The following FAT4 variants were observed in gnomAD, a reference collection of about 807,000 sequenced individuals.
The protein encoded by FAT4 is FAT atypical cadherin 4.
In FAT4, 84 loss-of-function variants were observed where a neutral mutation model predicts 303.9. That is an observed-to-expected ratio of 0.28 (90% CI 0.23 to 0.33). FAT4 has a LOEUF of 0.33. Among genes scored for constraint, FAT4 ranks in the 10% least tolerant of loss-of-function variants. FAT4 has a pLI of 1.00. For missense variants in FAT4, 6,005 were observed against 6,146.8 expected, an observed-to-expected ratio of 0.98 and a Z score of 0.77; for synonymous variants, 2,307 against 2,298.8, an observed-to-expected ratio of 1.00 and a Z score of -0.10.
chr4:125,366,732 A>AT (rs1732901067), intron 2 of FAT4, among the ~76,000 whole-genome samples: 1 of 151,726 alleles, frequency 6.6e-6, no homozygotes, highest in African/African-American at 2.4e-5. Context: ...TACACATGTT[A>AT]TTTTTTCTCT....
chr4:125,449,440 A>G lies in FAT4; in HGVS notation c.8430A>G (p.Arg2810=), dbSNP rs776360519. ...ACATTGGGATCAATGCAATTAGTAG[A>G]TATTCTATAATGGATGCAAGTCTTC... ...DEDIGINAIS[R]YSIMDASLPF... Residue 2810 remains arginine (R), a synonymous_variant, in exon 10 of 18, where the codon AGA becomes AGG. Transcript: ENST00000394329. 5 of 1,613,852 alleles carry G rather than the reference A, an allele frequency of 3.1e-6. No individual in the cohort carries two copies. Among genetic ancestry groups the G allele is most frequent in the Non-Finnish European group, 4.2e-6 (5 of 1,179,848 alleles).
intron 16 of FAT4, among the ~76,000 whole-genome samples, chr4:125,486,262 G>GTT (rs75519817): frequency 2.2e-5 from 3 of 133,498 alleles, no homozygotes; most frequent in Non-Finnish European, 3.3e-5. Flanking sequence ...AGAATTTTCT[G>GTT]TTTTTTTTTT....
chr4:125,416,212 A>C (rs1409597364), intron 6 of FAT4, among the ~76,000 whole-genome samples: 3 of 152,180 alleles, frequency 2.0e-5, no homozygotes, highest in African/African-American at 7.2e-5. Context: ...TGCTCTTAAA[A>C]ATTTTTATGA....
Position 125,451,231 on chromosome 4 carries a change from T to C in FAT4, c.10221T>C (p.Thr3407=), listed in dbSNP as rs1163996245. The C allele has an allele frequency of 6.2e-7, 1 of 1,614,002 alleles. No individual in the cohort carries two copies. Among genetic ancestry groups the C allele is most frequent in the Non-Finnish European group, 8.5e-7 (1 of 1,180,030 alleles). ...VLDANDPPIF[T]LNIYSVQISE... is the part of the protein sequence containing the mutation. ...ATGCAAATGACCCACCCATTTTTAC[T>C]CTAAACATCTACAGTGTGCAGATCA... The change falls in exon 10 of 18, where the codon ACT becomes ACC. Residue 3407 remains threonine (T), a synonymous_variant. Coordinates refer to ENST00000394329, the MANE Select transcript of FAT4 (RefSeq NM_001291303.3).
intron 12 of FAT4, among the ~76,000 whole-genome samples, chr4:125,473,095 GTTATATT>G (rs1348047683): frequency 2.0e-5 from 3 of 151,850 alleles, no homozygotes; most frequent in Non-Finnish European, 4.4e-5. Flanking sequence ...AAGACATAAT[GTTATATT>G]TTATATTTTA....
chr4:125,369,133 C>A (rs1733005333), intron 2 of FAT4, among the ~76,000 whole-genome samples: 1 of 152,054 alleles, frequency 6.6e-6, no homozygotes, highest in Non-Finnish European at 1.5e-5. Context: ...AAAATAAATA[C>A]CCATCAGATA....
At chr4:125,329,667 T>TCC (rs1731299177) in intron 2 of FAT4, among the ~76,000 whole-genome samples, 2 of 152,176 alleles carry the variant, frequency 1.3e-5, no homozygotes, top group African/African-American at 2.4e-5. Context: ...TTCTGAACCC[T>TCC]ACATTCGTAT....
At position 125,468,837 on chromosome 4, in the gene FAT4, A is replaced by T. The variant is rs751929823; in HGVS notation, c.12213+18A>T. 1.9e-6 allele frequency: 3 copies of T among 1,597,140 alleles called. No homozygotes were observed. The highest frequency in any genetic ancestry group is 2.6e-6 in the Non-Finnish European group (3 of 1,168,306). ...CAGGAATGGTAAGATATTTCATTTT[A>T]TTGTTGTTGTATATCCAACTGGATC... On this transcript the variant is annotated intron_variant, in intron 12 of 17. Coordinates refer to ENST00000394329, the MANE Select transcript of FAT4 (RefSeq NM_001291303.3).
intron 2 of FAT4, among the ~76,000 whole-genome samples, chr4:125,383,779 C>A (rs1046438299): frequency 6.6e-6 from 1 of 152,124 alleles, no homozygotes; most frequent in Admixed American, 6.6e-5. Flanking sequence ...GGACTGACAA[C>A]TCAATCAGTT....
At position 125,487,517 on chromosome 4, in the gene FAT4, A is replaced by G; in HGVS notation, c.12995A>G (p.His4332Arg). The change falls in exon 17 of 18, where the codon CAC (histidine) becomes CGC (arginine). Residue 4332 changes from histidine to arginine, a missense_variant. By Grantham distance (29) the His-to-Arg change is conservative. Coordinates refer to ENST00000394329, the MANE Select transcript of FAT4 (RefSeq NM_001291303.3). ...AGAATATATAACAGAGATATTATCC[A>G]CCCTACTCAGGACTTCGGTGGCCTT... ...VDRIYNRDII[H>R]PTQDFGGLDV... 1.2e-6 allele frequency: 2 copies of G among 1,613,994 alleles called. No homozygotes were observed. Among genetic ancestry groups the G allele is most frequent in the Non-Finnish European group, 8.5e-7 (1 of 1,179,934 alleles).
At chr4:125,340,106 G>C (rs2663285) in intron 2 of FAT4, among the ~76,000 whole-genome samples, 101,081 of 151,752 alleles carry the variant, frequency 0.67, 34,329 homozygotes, top group African/African-American at 0.77. Context: ...GAAAATGAAC[G>C]TTCAACATAT....
At chr4:125,484,060 TACACACAC>T (rs34883833) in intron 16 of FAT4, among the ~76,000 whole-genome samples, 2,220 of 138,234 alleles carry the variant, frequency 0.016, 59 homozygotes, top group African/African-American at 0.054. Context: ...CAGACACACA[TACACACAC>T]ACACACACAC....
chr4:125,349,438 G>T (rs1467781693), intron 2 of FAT4, among the ~76,000 whole-genome samples: 2 of 151,614 alleles, frequency 1.3e-5, no homozygotes, highest in Admixed American at 1.3e-4. Flanking sequence ...GACAGAGATG[G>T]ACTATTAAAT....
At position 125,479,820 on chromosome 4, in the gene FAT4, C is replaced by G. The variant is rs532579253; in HGVS notation, c.12559C>G (p.Gln4187Glu). Residue 4187 changes from glutamine (Q) to glutamate (E), a missense_variant, in exon 15 of 18, where the codon CAG (glutamine) becomes GAG (glutamate). By Grantham distance (29) the Gln-to-Glu change is conservative. Transcript: ENST00000394329. ...ATGTATGGATTACTGGTCATGGCAG[C>G]AGTGTCATTGCAAAGAGGGACTCAC... is the stretch of plus-strand genomic sequence containing the variant. The part of the protein sequence containing the change: ...GTCMDYWSWQ[Q>E]CHCKEGLTGK... 6.2e-7 allele frequency: 1 copy of G among 1,601,930 alleles called. No homozygotes were observed. The highest frequency in any genetic ancestry group is 1.7e-5 in the Admixed American group (1 of 59,902).
intron 2 of FAT4, among the ~76,000 whole-genome samples, chr4:125,346,000 C>G (rs1364609258): frequency 6.6e-6 from 1 of 151,932 alleles, no homozygotes; most frequent in Admixed American, 6.6e-5. Flanking sequence ...TTAAGTACTG[C>G]TCTTAGTGGG....
chr4:125,448,827 C>A lies in FAT4; in HGVS notation c.7817C>A (p.Ala2606Glu). Residue 2606 changes from alanine to glutamate, a missense_variant, in exon 10 of 18, where the codon GCA becomes GAA. Coordinates refer to ENST00000394329, the MANE Select transcript of FAT4 (RefSeq NM_001291303.3). ...LRGEPMSYYI[A>E]SGNLGNTFQI... ...GGAGAACCTATGTCATATTATATCG[C>A]AAGTGGGAATCTTGGCAATACTTTC... 6.2e-7 allele frequency: 1 copy of A among 1,608,770 alleles called. No individual in the cohort carries two copies. Among genetic ancestry groups the A allele is most frequent in the Non-Finnish European group, 8.5e-7 (1 of 1,179,770 alleles).
chr4:125,435,425 G>C (rs1407557312), intron 8 of FAT4, among the ~76,000 whole-genome samples: 1 of 152,178 alleles, frequency 6.6e-6, no homozygotes, highest in Non-Finnish European at 1.5e-5. Context: ...TAAAATTTGA[G>C]ACATTAAGAA....
intron 2 of FAT4, among the ~76,000 whole-genome samples, chr4:125,357,184 G>A (rs1004228065): frequency 2.6e-5 from 4 of 152,052 alleles, no homozygotes; most frequent in African/African-American, 9.7e-5. Context: ...CTGAGTACCT[G>A]TAAACAAAAA....
chr4:125,415,878 C>T lies in FAT4; in HGVS notation c.6843+72C>T. 5.2e-6 allele frequency: 6 copies of T among 1,163,680 alleles called. No homozygotes were observed. The South Asian group carries it at 9.3e-5, about 18-fold the overall frequency. The allele number at this position is 1,163,680 out of a possible 1,614,324, so 72.1% of individuals were successfully genotyped here. On this transcript the variant is annotated intron_variant, in intron 6 of 17. Coordinates refer to ENST00000394329, the MANE Select transcript of FAT4 (RefSeq NM_001291303.3). ...CTATTTGAAAACCTCCCCTCTTCTA[C>T]AGCGTTTACGCTTCCCCTGTTCTCT...
Sources: allele counts gnomAD v4.1 joint callset (sites outside exome capture counted in the v4.1 genomes callset), GRCh38; gene constraint gnomAD v4.1.1; transcripts MANE v1.5; gene names NCBI Gene and HGNC (gene_info 2026-07-23, HGNC 2026-07-21).